The following COX10 variants were observed in gnomAD, a reference collection of about 807,000 sequenced individuals.
The protein encoded by COX10 is protoheme IX farnesyltransferase, mitochondrial.
COX10 carries 27 observed loss-of-function variants against 37.3 expected under a neutral mutation model. The ratio of observed to expected loss-of-function variants is 0.72; its 90% CI spans 0.53 to 1.00. The LOEUF (loss-of-function observed/expected upper bound fraction) is 1.00. Ranked by LOEUF, COX10 falls within the 50% of genes least tolerant of loss-of-function variation. The probability of loss-of-function intolerance (pLI) is 0.00; values close to 1 mark genes in which losing one functional copy is unlikely to be tolerated. For missense variants in COX10, 475 were observed against 563.2 expected (o/e 0.84, Z 1.59); for synonymous variants, 222 against 229.1 (o/e 0.97, Z 0.28).
At chr17:14,189,642 G>A (rs1429152773) in intron 5 of COX10, among the ~76,000 whole-genome samples, 5 of 152,294 alleles carry the variant, frequency 3.3e-5, no homozygotes, top group Middle Eastern at 3.4e-3. Flanking sequence ...TAACAAGTTA[G>A]TATGAGTTTA....
intron 4 of COX10, 75 bp from the exon 5 acceptor site, chr17:14,159,802 A>G: frequency 9.0e-7 from 1 of 1,110,126 alleles, no homozygotes; most frequent in Non-Finnish European, 1.3e-6. Flanking sequence ...TACAGAAAAA[A>G]TGTTCAGTAC....
intron 3 of COX10, among the ~76,000 whole-genome samples, chr17:14,078,618 G>A (rs1318078235): frequency 1.3e-5 from 2 of 152,156 alleles, no homozygotes; most frequent in Admixed American, 1.3e-4. Flanking sequence ...TTGGAAACAC[G>A]GGAGGCTGTT....
intron 4 of COX10, among the ~76,000 whole-genome samples, chr17:14,134,170 A>G (rs1916528023): frequency 6.6e-6 from 1 of 151,818 alleles, no homozygotes; most frequent in African/African-American, 2.4e-5. Flanking sequence ...GCCTGAAGGA[A>G]AAAGGAATGA....
intron 3 of COX10, among the ~76,000 whole-genome samples, chr17:14,085,821 A>G (rs958053901): frequency 2.3e-4 from 35 of 152,278 alleles, no homozygotes; most frequent in Admixed American, 7.2e-4. Context: ...AGTTGCACCA[A>G]TTTGTGCTAG....
intron 5 of COX10, among the ~76,000 whole-genome samples, chr17:14,191,736 C>G (rs970757915): frequency 1.3e-4 from 20 of 152,190 alleles, no homozygotes; most frequent in Non-Finnish European, 2.8e-4. Flanking sequence ...CCAGAACACT[C>G]TAATCCTGAC....
At chr17:14,166,162 T>C (rs1905277026) in intron 5 of COX10, among the ~76,000 whole-genome samples, 1 of 152,208 alleles carries the variant, frequency 6.6e-6, no homozygotes, top group African/African-American at 2.4e-5. Context: ...AGAGTTTTCA[T>C]ATAGACGAGA....
chr17:14,084,996 T>C (rs993722369), intron 3 of COX10, among the ~76,000 whole-genome samples: 8 of 152,194 alleles, frequency 5.3e-5, no homozygotes, highest in Non-Finnish European at 1.0e-4. Flanking sequence ...TTTCAGCCTT[T>C]ATCTGTTCAT....
chr17:14,087,721 G>A (rs1018796703), intron 3 of COX10, among the ~76,000 whole-genome samples: 8 of 149,044 alleles, frequency 5.4e-5, no homozygotes, highest in Admixed American at 2.0e-4. Flanking sequence ...CTCTGAAACC[G>A]CAGGGCCAAT....
At chr17:14,103,758 T>G (rs748292072) in intron 4 of COX10, among the ~76,000 whole-genome samples, 3 of 152,188 alleles carry the variant, frequency 2.0e-5, no homozygotes, top group Non-Finnish European at 2.9e-5. Context: ...TTGAATGATT[T>G]ACATTTAGAC....
intron 5 of COX10, among the ~76,000 whole-genome samples, chr17:14,176,453 C>A (rs1370904650): frequency 2.0e-5 from 3 of 152,098 alleles, no homozygotes; most frequent in Non-Finnish European, 4.4e-5. Flanking sequence ...GAAACAGAAC[C>A]CCATAGAATT....
At chr17:14,076,638 A>G (rs996039811) in intron 2 of COX10, 97 bp from the exon 3 acceptor site, 13 of 1,164,930 alleles carry the variant, frequency 1.1e-5, no homozygotes, top group African/African-American at 1.5e-5. Context: ...AAGCTTTCAA[A>G]TAATGTAAAA....
At chr17:14,169,025 G>T (rs1236008538) in intron 5 of COX10, among the ~76,000 whole-genome samples, 1 of 152,070 alleles carries the variant, frequency 6.6e-6, no homozygotes, top group Non-Finnish European at 1.5e-5. Flanking sequence ...TTTAAGTTCT[G>T]CCTCCCTTTT....
intron 5 of COX10, among the ~76,000 whole-genome samples, chr17:14,166,909 C>T (rs1201940647): frequency 6.7e-6 from 1 of 150,226 alleles, no homozygotes. Flanking sequence ...GCTGGGATTG[C>T]AGCCGTGATT....
intron 4 of COX10, among the ~76,000 whole-genome samples, chr17:14,104,949 A>G (rs1915859788): frequency 6.6e-6 from 1 of 152,190 alleles, no homozygotes. Flanking sequence ...TATGCCTTCA[A>G]AGGATGGAAA....
At chr17:14,122,364 A>G (rs980129723) in intron 4 of COX10, among the ~76,000 whole-genome samples, 8 of 152,126 alleles carry the variant, frequency 5.3e-5, no homozygotes, top group African/African-American at 1.7e-4. Flanking sequence ...TGCTCTGGCA[A>G]TCCCCGTCAA....
intron 4 of COX10, among the ~76,000 whole-genome samples, chr17:14,153,194 C>T (rs779090723): frequency 6.6e-6 from 1 of 152,116 alleles, no homozygotes; most frequent in Admixed American, 6.6e-5. Flanking sequence ...ACTAAACTTC[C>T]AAATAAGGTG....
intron 3 of COX10, among the ~76,000 whole-genome samples, chr17:14,078,336 T>A (rs1377762087): frequency 6.6e-6 from 1 of 152,186 alleles, no homozygotes; most frequent in Non-Finnish European, 1.5e-5. Flanking sequence ...GCATCAGATG[T>A]GGCCTCTGTC....
intron 5 of COX10, among the ~76,000 whole-genome samples, chr17:14,169,489 C>A (rs1425069209): frequency 6.6e-6 from 1 of 152,158 alleles, no homozygotes; most frequent in Non-Finnish European, 1.5e-5. Flanking sequence ...ACTCCTGGTA[C>A]CAATTTTCTG....
At chr17:14,129,340 TA>T (rs1916413663) in intron 4 of COX10, among the ~76,000 whole-genome samples, 1 of 151,960 alleles carries the variant, frequency 6.6e-6, no homozygotes, top group Non-Finnish European at 1.5e-5. Flanking sequence ...TGTAATATAA[TA>T]AATGTGTATA....
Sources: gnomAD v4.1 joint callset for allele counts (sites outside exome capture counted in the v4.1 genomes callset) on GRCh38, gnomAD v4.1.1 for gene constraint, MANE v1.5 for transcripts, NCBI Gene and HGNC (gene_info 2026-07-23, HGNC 2026-07-21) for gene names.